The following TFAP2B variants were observed in gnomAD, a reference collection of about 807,000 sequenced individuals.
TFAP2B encodes the protein transcription factor AP-2-beta.
TFAP2B carries 9 observed loss-of-function variants against 44.3 expected under a neutral mutation model. The ratio of observed to expected loss-of-function variants is 0.20; its 90% confidence interval spans 0.12 to 0.35. The LOEUF is 0.35. TFAP2B is among the 10% of genes least tolerant of loss of function. The pLI, the probability that TFAP2B is intolerant of heterozygous loss-of-function variation, is 1.00. For synonymous variants in TFAP2B, 270 were observed against 263.8 expected (o/e 1.02, Z -0.23); for missense variants, 509 against 600.0 (o/e 0.85, Z 1.59).
At chr6:50,821,485 G>A (rs1770344834) in intron 1 of TFAP2B, among the ~76,000 whole-genome samples, 2 of 152,160 alleles carry the variant, frequency 1.3e-5, no homozygotes, top group Admixed American at 6.5e-5. Flanking sequence ...CAGGTAGGAG[G>A]ACACCTCCAT....
At chr6:50,820,105 A>T (rs1770295736) in intron 1 of TFAP2B, among the ~76,000 whole-genome samples, 1 of 152,058 alleles carries the variant, frequency 6.6e-6, no homozygotes, top group African/African-American at 2.4e-5. Flanking sequence ...CGGGCCATGG[A>T]GATTGCTAAG....
intron 5 of TFAP2B, among the ~76,000 whole-genome samples, chr6:50,838,494 C>A (rs998805755): frequency 4.6e-5 from 7 of 152,142 alleles, no homozygotes; most frequent in Non-Finnish European, 1.5e-5. Flanking sequence ...GCATTCATGA[C>A]CCCTAATGGT....
chr6:50,829,529 A>C (rs1581817232), intron 3 of TFAP2B, among the ~76,000 whole-genome samples: 4 of 152,330 alleles, frequency 2.6e-5, no homozygotes, highest in African/African-American at 9.6e-5. Context: ...ATGTGTAAAC[A>C]GTGCAATCTT....
chr6:50,823,499 C>T lies in TFAP2B; in HGVS notation c.174C>T (p.Ser58=), dbSNP rs904293305. 1.2e-6 allele frequency: 2 copies of T among 1,613,660 alleles called. No individual in the cohort carries two copies. Among genetic ancestry groups the T allele is most frequent in the Non-Finnish European group, 1.7e-6 (2 of 1,179,884 alleles). The change falls in exon 2 of 7, where the codon TCC becomes TCT. Residue 58 remains serine, a synonymous_variant. Coordinates refer to ENST00000393655, the MANE Select transcript of TFAP2B (RefSeq NM_003221.4). ...CCTACTCGAGCGCCCCGCCGCTGTC[C>T]CACACCCCGTCGTCGGACTTCCAGC... The part of the protein sequence containing the change: ...QGPYSSAPPL[S]HTPSSDFQPP...
intron 4 of TFAP2B, 87 bp from the exon 5 acceptor site, chr6:50,837,888 G>A: frequency 2.8e-6 from 3 of 1,063,974 alleles, no homozygotes; most frequent in Non-Finnish European, 2.9e-6. Flanking sequence ...ACCTCTTCAA[G>A]CTCCACTGGG....
chr6:50,838,422 A>G (rs190975076), intron 5 of TFAP2B, among the ~76,000 whole-genome samples: 1 of 151,680 alleles, frequency 6.6e-6, no homozygotes, highest in African/African-American at 2.4e-5. Context: ...TCTTTAAGCA[A>G]TAATTCATTC....
At position 50,845,658 on chromosome 6, in the gene TFAP2B, C is replaced by T. The variant is rs1762830912; in HGVS notation, c.*2266C>T. On this transcript the variant is annotated 3_prime_UTR_variant, in exon 7 of 7. Transcript: ENST00000393655. ...TAGATGTGTTCTGATTGCACAAGGC[C>T]AGGAGAGACCACACTGAAAACGATC... The T allele has an allele frequency of 1.3e-5, 2 of 152,722 alleles. No individual in the cohort carries two copies. The highest frequency in any genetic ancestry group is 1.3e-4 in the Admixed American group (2 of 15,290). 9.5% of individuals were successfully genotyped at this position (152,722 alleles called of 1,614,324 possible).
intron 2 of TFAP2B, among the ~76,000 whole-genome samples, chr6:50,827,508 C>T (rs1770561242): frequency 6.6e-6 from 1 of 152,106 alleles, no homozygotes; most frequent in Non-Finnish European, 1.5e-5. Flanking sequence ...GGTAGACAGT[C>T]TTTTTCTTGT....
chr6:50,822,009 T>TTTTTTTG, intron 1 of TFAP2B: 1 of 395,586 alleles, frequency 2.5e-6, no homozygotes, highest in East Asian at 8.3e-5. Context: ...TTTTTTTTTT[T>TTTTTTTG]GATGGCTTGT....
At position 50,843,436 on chromosome 6, in the gene TFAP2B, G is replaced by T; in HGVS notation, c.*44G>T. ...AGGAAAAATGTTTTAAATACAAAAG[G>T]AAAAACAGACAAAAATTTAATTTTA... On this transcript the variant is annotated 3_prime_UTR_variant, in exon 7 of 7. Coordinates refer to ENST00000393655, the MANE Select transcript of TFAP2B (RefSeq NM_003221.4). 3 of 1,570,692 alleles carry T rather than the reference G, an allele frequency of 1.9e-6. No homozygotes were observed. Among genetic ancestry groups the T allele is most frequent in the South Asian group, 2.3e-5 (2 of 85,930 alleles).
At chr6:50,834,219 A>G (rs1051537305) in intron 3 of TFAP2B, among the ~76,000 whole-genome samples, 1 of 152,226 alleles carries the variant, frequency 6.6e-6, no homozygotes, top group African/African-American at 2.4e-5. Context: ...TCACACTTCA[A>G]CTTTTCATTG....
At chr6:50,837,721 TCC>T (rs1270199328) in intron 4 of TFAP2B, among the ~76,000 whole-genome samples, 1 of 151,902 alleles carries the variant, frequency 6.6e-6, no homozygotes, top group Non-Finnish European at 1.5e-5. Context: ...ACCTAATTAT[TCC>T]CATCTGGTAT....
intron 3 of TFAP2B, among the ~76,000 whole-genome samples, chr6:50,833,657 T>C (rs1318998531): frequency 6.6e-6 from 1 of 152,156 alleles, no homozygotes; most frequent in East Asian, 1.9e-4. Flanking sequence ...GGGAGCAATA[T>C]ACATTCCCCA....
At chr6:50,830,965 A>C (rs1449750575) in intron 3 of TFAP2B, among the ~76,000 whole-genome samples, 2 of 152,176 alleles carry the variant, frequency 1.3e-5, no homozygotes, top group Non-Finnish European at 2.9e-5. Flanking sequence ...GATAAAAAAA[A>C]ATTCTACCTC....
chr6:50,822,656 G>T (rs1030397111), intron 1 of TFAP2B, among the ~76,000 whole-genome samples: 6 of 152,240 alleles, frequency 3.9e-5, no homozygotes, highest in Admixed American at 3.9e-4. Context: ...AACAGCATTA[G>T]ATATAGAAAA....
chr6:50,842,702 G>T (rs1055364139), intron 6 of TFAP2B, among the ~76,000 whole-genome samples: 1 of 152,238 alleles, frequency 6.6e-6, no homozygotes, highest in Admixed American at 6.5e-5. Context: ...CAAGAGGTTG[G>T]AGAGGTGGGA....
intron 2 of TFAP2B, among the ~76,000 whole-genome samples, chr6:50,826,581 G>T (rs1368344551): frequency 6.9e-6 from 1 of 145,226 alleles, no homozygotes; most frequent in Admixed American, 6.8e-5. Context: ...GCGCGCGCGC[G>T]CGCGCGTGTG....
chr6:50,829,290 TA>T (rs1257340807), intron 3 of TFAP2B, among the ~76,000 whole-genome samples: 2 of 152,224 alleles, frequency 1.3e-5, no homozygotes, highest in East Asian at 3.9e-4. Flanking sequence ...CCCATACTGT[TA>T]AAGGGCATGT....
intron 1 of TFAP2B, 133 bp from the exon 2 acceptor site, chr6:50,823,274 C>G: frequency 1.2e-6 from 1 of 832,518 alleles, no homozygotes. Context: ...GAAGAGCGTA[C>G]AAAAGCCGGG....
Sources: allele counts gnomAD v4.1 joint callset (sites outside exome capture counted in the v4.1 genomes callset), GRCh38; gene constraint gnomAD v4.1.1; transcripts MANE v1.5; gene names NCBI Gene and HGNC (gene_info 2026-07-23, HGNC 2026-07-21).